TNFSF14: variants seen among roughly 807,000 people sequenced by gnomAD.
TNFSF14 encodes the protein TNF superfamily member 14.
In TNFSF14, 15 loss-of-function variants were observed where a neutral mutation model predicts 22.7. The observed-to-expected ratio is 0.66, with a 90% confidence interval of 0.44 to 1.02. TNFSF14 has a LOEUF of 1.02. Among genes scored for constraint, TNFSF14 ranks in the 50% least tolerant of loss-of-function variants. The pLI is 0.00. For missense variants in TNFSF14, 287 were observed against 326.2 expected, an observed-to-expected ratio of 0.88 and a Z score of 0.93; for synonymous variants, 133 against 139.6, an observed-to-expected ratio of 0.95 and a Z score of 0.33.
intron 3 of TNFSF14, among the ~76,000 whole-genome samples, chr19:6,665,863 G>T (rs1222581663): frequency 6.6e-6 from 1 of 151,062 alleles, no homozygotes; most frequent in Non-Finnish European, 1.5e-5. Context: ...GGCTGGTCTC[G>T]AATTCCTGTG....
In TNFSF14 at chr19:6,669,905, G is replaced by T; in HGVS notation, c.165C>A (p.Gly55=). 6.2e-7 allele frequency: 1 copy of T among 1,613,886 alleles called. No individual in the cohort carries two copies. The highest frequency in any genetic ancestry group is 8.5e-7 in the Non-Finnish European group (1 of 1,179,994). The change falls in exon 1 of 4, where the codon GGC becomes GGA. Residue 55 remains glycine, a synonymous_variant. Coordinates refer to ENST00000675206, the MANE Select transcript of TNFSF14 (RefSeq NM_001376887.1). ...GCCAGTGCAGCTGCAGGAGGAACCA[G>T]CCTTGGACGGCCAGCCCGGCCCCCA... ...LLMGAGLAVQ[G]WFLLQLHWRL...
upstream of TNFSF14, chr19:6,670,202 G>A (rs1917565742): frequency 4.1e-6 from 6 of 1,460,128 alleles, no homozygotes; most frequent in African/African-American, 1.4e-5. Flanking sequence ...CTGGGGTTCA[G>A]CCCCACCCCT....
chr19:6,666,674 T>C (rs1917436356), intron 3 of TNFSF14, among the ~76,000 whole-genome samples: 1 of 152,160 alleles, frequency 6.6e-6, no homozygotes. Context: ...GGCGGGAGGA[T>C]CACCTGAGAT....
At position 6,669,765 on chromosome 19, in the gene TNFSF14, C is replaced by T. The variant is rs1599489730; in HGVS notation, c.219+86G>A. 5.8e-6 allele frequency: 9 copies of T among 1,551,880 alleles called. No homozygotes were observed. The Admixed American group carries it at 1.6e-4, about 27-fold the overall frequency. On this transcript the variant is annotated intron_variant, in intron 1 of 3. Transcript: ENST00000675206. ...ACACACACACACACACACACACACA[C>T]ACACACACAGACACACAGTGACCCA...
intron 1 of TNFSF14, among the ~76,000 whole-genome samples, chr19:6,668,889 G>A (rs1248662716): frequency 6.6e-6 from 1 of 152,216 alleles, no homozygotes; most frequent in Non-Finnish European, 1.5e-5. Flanking sequence ...CAGACACAGA[G>A]ACCCAGAGAC....
Position 6,664,629 on chromosome 19 carries a change from C to CATTAAA in TNFSF14, c.*296_*297insTTTAAT. 1 of 221,294 alleles carries CATTAAA rather than the reference C, an allele frequency of 4.5e-6. No homozygotes were observed. The highest frequency in any genetic ancestry group is 9.8e-5 in the East Asian group (1 of 10,240). The allele number at this position is 221,294 out of a possible 1,614,324, so 13.7% of individuals were successfully genotyped here. Reference sequence around the variant, plus strand: ...TCTCGGCTCACTGCAACCTCCGCCTCCCGGGTTTAAGCAAAATTATCCTGC... The same window carrying CATTAAA: ...TCTCGGCTCACTGCAACCTCCGCCTCATTAAACCGGGTTTAAGCAAAATTATCCTGC... On this transcript the variant is annotated 3_prime_UTR_variant, in exon 4 of 4. Transcript: ENST00000675206. The surrounding 1 kb of genome is among the most constrained non-coding windows in gnomAD (Gnocchi z 4.7).
At chr19:6,665,440 G>A (rs1461935056) in intron 3 of TNFSF14, 90 bp from the exon 4 acceptor site, 8 of 1,342,178 alleles carry the variant, frequency 6.0e-6, no homozygotes, top group Admixed American at 2.7e-5. Context: ...ACAGAGTCTC[G>A]CTCTGTGGAC....
chr19:6,669,640 T>C (rs774846632), intron 1 of TNFSF14, among the ~76,000 whole-genome samples: 5 of 152,040 alleles, frequency 3.3e-5, no homozygotes, highest in Non-Finnish European at 7.4e-5. Context: ...CCTTATTTTG[T>C]AGATGAAGAC....
At chr19:6,669,387 G>A (rs1917527515) in intron 1 of TNFSF14, among the ~76,000 whole-genome samples, 1 of 152,196 alleles carries the variant, frequency 6.6e-6, no homozygotes, top group South Asian at 2.1e-4. Context: ...GGAGGCTGAG[G>A]CAGGAGAATC....
At position 6,667,151 on chromosome 19, in the gene TNFSF14, C is replaced by T. The variant is rs111475974; in HGVS notation, c.260G>A (p.Arg87Gln). 1.5e-5 allele frequency: 24 copies of T among 1,590,174 alleles called. No individual in the cohort carries two copies. In the Admixed American group the frequency reaches 2.4e-4, roughly 16 times the overall value. Reference protein sequence around the residue: ...AGSWEQLIQERRSHEVNPAAH... With the variant: ...AGSWEQLIQEQRSHEVNPAAH... ...TGCTGGGTTGACCTCGTGAGACCTT[C>T]GCTCTGGGGAAAGAGGGTCAGAGGT... is the stretch of plus-strand genomic sequence containing the variant. Residue 87 changes from arginine (R) to glutamine (Q), a missense_variant, in exon 3 of 4, where the codon CGA becomes CAA. By Grantham distance (43) the Arg-to-Gln change is conservative. Transcript: ENST00000675206.
chr19:6,667,740 A>C (rs1364579430), intron 1 of TNFSF14, among the ~76,000 whole-genome samples: 2 of 152,242 alleles, frequency 1.3e-5, no homozygotes, highest in Admixed American at 1.3e-4. Context: ...CATAGTATGC[A>C]CTAGAGAAAG....
At position 6,670,054 on chromosome 19, in the gene TNFSF14, C is replaced by G. The variant is rs367654818; in HGVS notation, c.16G>C (p.Val6Leu). 19 of 1,613,908 alleles carry G rather than the reference C, an allele frequency of 1.2e-5. No homozygotes were observed. The highest frequency in any genetic ancestry group is 1.7e-5 in the Admixed American group (1 of 59,996). The change falls in exon 1 of 4, where the codon GTA (valine) becomes CTA (leucine). Residue 6 changes from valine to leucine, a missense_variant. Val to Leu is a conservative substitution (Grantham distance 32). Transcript: ENST00000675206. MEESV[V>L]RPSVFVVDGQ... ...TCCACCACAAACACTGAGGGCCGTA[C>G]GACACTCTCCTCCATGCCCAAGGTG...
In TNFSF14 at chr19:6,669,853, G is replaced by A. The variant is rs1340413407; in HGVS notation, c.217C>T (p.Pro73Ser). ...WRLGEMVTRL[P>S]DGPAGSWEQL... Reference sequence around the variant, plus strand: ...CTCAGCCCCCCGGTCCCACTCACAGGCAGGCGGGTGACCATCTCTCCTAGA... The same window carrying A: ...CTCAGCCCCCCGGTCCCACTCACAGACAGGCGGGTGACCATCTCTCCTAGA... Residue 73 changes from proline (P) to serine (S), a missense_variant and splice_region_variant, in exon 1 of 4, where the codon CCT (proline) becomes TCT (serine). By Grantham distance (74) the Pro-to-Ser change is moderately conservative. Coordinates refer to ENST00000675206, the MANE Select transcript of TNFSF14 (RefSeq NM_001376887.1). 1.2e-6 allele frequency: 2 copies of A among 1,611,040 alleles called. No homozygotes were observed. The highest frequency in any genetic ancestry group is 1.7e-6 in the Non-Finnish European group (2 of 1,179,562).
In TNFSF14 at chr19:6,664,820, G is replaced by C; in HGVS notation, c.*106C>G. On this transcript the variant is annotated 3_prime_UTR_variant, in exon 4 of 4. Transcript: ENST00000675206. This position sits in a 1 kb window ranked among gnomAD's most constrained non-coding sequence, Gnocchi z 4.7. ...CTCCCAAAGTGCTGGGATTACAGGC[G>C]AGAGCCACCACGCCCAGCCTCTGCT... 3.5e-6 allele frequency: 5 copies of C among 1,423,482 alleles called. No homozygotes were observed. The highest frequency in any genetic ancestry group is 4.7e-6 in the Non-Finnish European group (5 of 1,060,032). The allele number at this position is 1,423,482 out of a possible 1,614,324, so 88.2% of individuals were successfully genotyped here.
In TNFSF14 at chr19:6,665,187, G is replaced by A. The variant is rs143257425; in HGVS notation, c.462C>T (p.Cys154=). 33 of 1,614,134 alleles carry A rather than the reference G, an allele frequency of 2.0e-5. No individual in the cohort carries two copies. In the African/African-American group the frequency reaches 3.9e-4, roughly 19 times the overall value. Residue 154 remains cysteine (C), a synonymous_variant, in exon 4 of 4, where the codon TGC becomes TGT. Coordinates refer to ENST00000675206, the MANE Select transcript of TNFSF14 (RefSeq NM_001376887.1). ...YSKVQLGGVG[C]PLGLASTITH... is the part of the protein sequence containing the mutation. ...TGATGGTGCTGGCCAGGCCCAGCGGGCAGCCCACACCGCCCAGCTGCACCT... is the reference window on the plus strand; with the variant it reads ...TGATGGTGCTGGCCAGGCCCAGCGGACAGCCCACACCGCCCAGCTGCACCT...
rs567465702 is a variant in TNFSF14, at chr19:6,664,172, C to A, written c.*754G>T. 1 of 152,178 alleles carries A rather than the reference C, an allele frequency of 6.6e-6. No homozygotes were observed. The highest frequency in any genetic ancestry group is 1.9e-4 in the East Asian group (1 of 5,180). 9.4% of individuals were successfully genotyped at this position (152,178 alleles called of 1,614,324 possible). On this transcript the variant is annotated 3_prime_UTR_variant, in exon 4 of 4. Transcript: ENST00000675206. This position sits in a 1 kb window ranked among gnomAD's most constrained non-coding sequence, Gnocchi z 4.7. The stretch of plus-strand genomic sequence containing the variant: ...CATGATGAGTCCCGATGATCAGTCT[C>A]CCGCCCACCCTGTCCGTACTCATGA...
At chr19:6,670,348 C>T, upstream of TNFSF14, 7 of 1,154,736 alleles carry the variant, frequency 6.1e-6, no homozygotes, top group Non-Finnish European at 7.8e-6. Context: ...CAGTGGGGAG[C>T]CCCCAGCTTT....
rs750799001 is a variant in TNFSF14 at position 6,669,906 on chromosome 19, C to T, written c.164G>A (p.Gly55Asp). The T allele has an allele frequency of 1.2e-6, 2 of 1,613,934 alleles. No individual in the cohort carries two copies. Among genetic ancestry groups the T allele is most frequent in the Non-Finnish European group, 1.7e-6 (2 of 1,179,992 alleles). ...LLMGAGLAVQ[G>D]WFLLQLHWRL... ...CCAGTGCAGCTGCAGGAGGAACCAG[C>T]CTTGGACGGCCAGCCCGGCCCCCAT... is the stretch of plus-strand genomic sequence containing the variant. The change falls in exon 1 of 4, where the codon GGC becomes GAC. Residue 55 changes from glycine to aspartate, a missense_variant. Gly to Asp is a moderately conservative substitution (Grantham distance 94). Coordinates refer to ENST00000675206, the MANE Select transcript of TNFSF14 (RefSeq NM_001376887.1).
upstream of TNFSF14, chr19:6,670,200 C>G (rs547031760): frequency 5.7e-5 from 83 of 1,461,432 alleles, no homozygotes; most frequent in South Asian, 1.9e-4. Context: ...AGCTGGGGTT[C>G]AGCCCCACCC....
Sources: gnomAD v4.1 joint callset for allele counts (sites outside exome capture counted in the v4.1 genomes callset) on GRCh38, gnomAD v4.1.1 for gene constraint, Gnocchi (gnomAD v3.1) non-coding constraint, MANE v1.5 for transcripts, NCBI Gene and HGNC (gene_info 2026-07-23, HGNC 2026-07-21) for gene names.